Variants in TBCD observed in about 807,000 individuals in gnomAD.
TBCD encodes tubulin folding cofactor D, also known as tubulin-specific chaperone D.
Under a neutral mutation model 169.3 loss-of-function variants are expected in TBCD, and 105 were observed. That is an observed-to-expected ratio of 0.62 (90% CI 0.53 to 0.73). The LOEUF is 0.73. TBCD is among the 30% of genes least tolerant of loss of function. The probability of loss-of-function intolerance (pLI) is 0.00; values close to 1 mark genes in which losing one functional copy is unlikely to be tolerated. For synonymous variants in TBCD, 700 were observed against 643.9 expected, an observed-to-expected ratio of 1.09 and a Z score of -1.32; for missense variants, 1,444 against 1,600.1, an observed-to-expected ratio of 0.90 and a Z score of 1.66.
chr17:82,820,797 C>T (rs1469156147), intron 13 of TBCD, among the ~76,000 whole-genome samples: 3 of 146,990 alleles, frequency 2.0e-5, no homozygotes, highest in East Asian at 4.2e-4. Context: ...TGATGGTGCC[C>T]TATGAGTCTC....
In TBCD at chr17:82,915,706, G is replaced by C. The variant is rs1213576238; in HGVS notation, c.2038+3917G>C. Among the ~76,000 whole-genome samples the C allele has an allele frequency of 2.6e-5, 4 of 152,182 alleles. No individual in the cohort carries two copies. The highest frequency in any genetic ancestry group is 5.9e-5 in the Non-Finnish European group (4 of 68,032). On this transcript the variant is annotated intron_variant, in intron 23 of 38. Coordinates refer to ENST00000355528, the MANE Select transcript of TBCD (RefSeq NM_005993.5). The surrounding 1 kb of genome is among the most constrained non-coding windows in gnomAD (Gnocchi z 4.3). ...ACCGAGGGCAGGGGCCGGGAGGAAGGGGGTCATCTGGCTCACAGCCTTGCA... is the reference window on the plus strand; with the variant it reads ...ACCGAGGGCAGGGGCCGGGAGGAAGCGGGTCATCTGGCTCACAGCCTTGCA...
At chr17:82,763,401 C>T (rs1339451963) in intron 2 of TBCD, among the ~76,000 whole-genome samples, 2 of 152,138 alleles carry the variant, frequency 1.3e-5, no homozygotes, top group Admixed American at 6.5e-5. Flanking sequence ...CTTTTGCTTA[C>T]GTTTAACCTA....
chr17:82,932,111 C>G (rs2147365136), intron 33 of TBCD: 1 of 168,152 alleles, frequency 5.9e-6, no homozygotes, highest in Middle Eastern at 2.9e-3. Context: ...CAGCATCTCC[C>G]CTTGTTCTCT....
intron 18 of TBCD, among the ~76,000 whole-genome samples, chr17:82,901,505 G>A (rs544155537): frequency 6.7e-6 from 1 of 148,672 alleles, no homozygotes; most frequent in South Asian, 2.1e-4. Flanking sequence ...TGCCTGGGGA[G>A]CGGCCCGGCT....
Position 82,930,559 on chromosome 17 carries a change from A to G in TBCD, c.3029A>G (p.Lys1010Arg), listed in dbSNP as rs772524048. Residue 1010 changes from lysine (K) to arginine (R), a missense_variant, in exon 33 of 39, where the codon AAG becomes AGG. Physicochemically the swap from Lys to Arg is conservative, Grantham distance 26. Transcript: ENST00000355528. This position sits in a 1 kb window ranked among gnomAD's most constrained non-coding sequence, Gnocchi z 5.2. ...ACCCAGAGCCTCTTTGAGTACATGAAGGGCATTCAGAGCGACCCGCAGGCC... is the reference window on the plus strand; with the variant it reads ...ACCCAGAGCCTCTTTGAGTACATGAGGGGCATTCAGAGCGACCCGCAGGCC... ...HSTQSLFEYMKGIQSDPQALG... is the reference protein window; with the variant it reads ...HSTQSLFEYMRGIQSDPQALG... 4 of 1,613,648 alleles carry G rather than the reference A, an allele frequency of 2.5e-6. No homozygotes were observed. In the Admixed American group the frequency reaches 6.7e-5, roughly 27 times the overall value.
chr17:82,913,481 G>C (rs994711574), intron 23 of TBCD: 1 of 152,282 alleles, frequency 6.6e-6, no homozygotes, highest in Non-Finnish European at 1.5e-5. Context: ...CGGCGACAGA[G>C]TTGAAGGCGT....
In TBCD at chr17:82,842,757, A is replaced by G. The variant is rs2054623758; in HGVS notation, c.1319-27467A>G. ...AATCATTTACCTTCAGATTTTTGCAAGTGTTCTTCATTTTCTTTCTTTCTT... is the reference window on the plus strand; with the variant it reads ...AATCATTTACCTTCAGATTTTTGCAGGTGTTCTTCATTTTCTTTCTTTCTT... On this transcript the variant is annotated intron_variant, in intron 13 of 38. Coordinates refer to ENST00000355528, the MANE Select transcript of TBCD (RefSeq NM_005993.5). 2.0e-5 allele frequency among the ~76,000 whole-genome samples: 3 copies of G among 151,034 alleles called. No homozygotes were observed. The South Asian group carries it at 6.3e-4, about 32-fold the overall frequency.
intron 27 of TBCD, among the ~76,000 whole-genome samples, chr17:82,925,717 C>T (rs2061687385): frequency 2.6e-5 from 4 of 152,212 alleles, no homozygotes; most frequent in Admixed American, 2.6e-4. Flanking sequence ...CTAAAACTCG[C>T]ATGTGGGGGT....
intron 13 of TBCD, among the ~76,000 whole-genome samples, chr17:82,855,776 T>C (rs898934784): frequency 1.3e-5 from 2 of 152,206 alleles, no homozygotes; most frequent in African/African-American, 4.8e-5. Context: ...ATTCACATAG[T>C]CATGACACAT....
chr17:82,878,172 C>T (rs755040900), intron 14 of TBCD, among the ~76,000 whole-genome samples: 94 of 152,338 alleles, frequency 6.2e-4, no homozygotes, highest in Non-Finnish European at 8.5e-4. Context: ...CCCGGGACCC[C>T]GCATGGCATC....
At chr17:82,801,417 G>T (rs115810139) in intron 9 of TBCD, among the ~76,000 whole-genome samples, 1 of 152,150 alleles carries the variant, frequency 6.6e-6, no homozygotes, top group Non-Finnish European at 1.5e-5. Context: ...TGCAGCTGGC[G>T]TTGGCAGGAA....
chr17:82,895,525 C>A (rs1238953177), intron 17 of TBCD, among the ~76,000 whole-genome samples: 1 of 152,082 alleles, frequency 6.6e-6, no homozygotes, highest in Non-Finnish European at 1.5e-5. Context: ...ATGGTCAGGT[C>A]TTTGTTTTGA....
chr17:82,806,849 G>A lies in TBCD; in HGVS notation c.1088-759G>A, dbSNP rs1265742617. Among the ~76,000 whole-genome samples, 1 of 152,174 alleles carries A rather than the reference G, an allele frequency of 6.6e-6. No homozygotes were observed. Among genetic ancestry groups the A allele is most frequent in the Non-Finnish European group, 1.5e-5 (1 of 68,026 alleles). The stretch of plus-strand genomic sequence containing the variant: ...ACCTTTGCTTCTCAGAGCCCTCCCT[G>A]GTTGCGTGGTAGGCGCCCGCATCTG... On this transcript the variant is annotated intron_variant, in intron 10 of 38. Coordinates refer to ENST00000355528, the MANE Select transcript of TBCD (RefSeq NM_005993.5). This position sits in a 1 kb window ranked among gnomAD's most constrained non-coding sequence, Gnocchi z 5.1.
At chr17:82,865,723 ATG>A (rs2057124766) in intron 13 of TBCD, among the ~76,000 whole-genome samples, 1 of 152,242 alleles carries the variant, frequency 6.6e-6, no homozygotes, top group Admixed American at 6.5e-5. Flanking sequence ...GCGTAACTAT[ATG>A]ATGATTTTTT....
chr17:82,804,802 C>T (rs568074065), intron 9 of TBCD, among the ~76,000 whole-genome samples: 4 of 152,334 alleles, frequency 2.6e-5, no homozygotes, highest in East Asian at 3.9e-4. Context: ...GTGAGAGGAA[C>T]GCTAGGCGGT....
intron 13 of TBCD, among the ~76,000 whole-genome samples, chr17:82,827,951 ATG>A (rs1208828725): frequency 6.8e-6 from 1 of 147,668 alleles, no homozygotes; most frequent in African/African-American, 2.5e-5. Context: ...ACACGATTGA[ATG>A]TGCATACACT....
chr17:82,768,572 T>A lies in TBCD; in HGVS notation c.582+6T>A, dbSNP rs2048141280. The A allele has an allele frequency of 3.1e-6, 5 of 1,613,376 alleles. No homozygotes were observed. Among genetic ancestry groups the A allele is most frequent in the Non-Finnish European group, 3.4e-6 (4 of 1,179,440 alleles). On this transcript the variant is annotated splice_donor_region_variant and intron_variant, in intron 5 of 38. Coordinates refer to ENST00000355528, the MANE Select transcript of TBCD (RefSeq NM_005993.5). ...GTATTCTCCAAATAGCAGAGGTAAA[T>A]ATCATGCAGATAATTAGCTGCTAAT...
chr17:82,841,843 T>C (rs915623424), intron 13 of TBCD, among the ~76,000 whole-genome samples: 2 of 152,162 alleles, frequency 1.3e-5, no homozygotes, highest in Non-Finnish European at 2.9e-5. Context: ...ACAGCTTTAC[T>C]CACCTGCCTT....
intron 2 of TBCD, among the ~76,000 whole-genome samples, 199 bp downstream of exon 2, chr17:82,756,414 A>C (rs919116741): frequency 6.6e-6 from 1 of 151,870 alleles, no homozygotes; most frequent in African/African-American, 2.4e-5. Context: ...CTGGGGGGAG[A>C]TGTGTCTGAG....
Sources: allele counts gnomAD v4.1 joint callset (sites outside exome capture counted in the v4.1 genomes callset), GRCh38; gene constraint gnomAD v4.1.1; non-coding constraint Gnocchi (gnomAD v3.1); transcripts MANE v1.5; gene names NCBI Gene and HGNC (gene_info 2026-07-23, HGNC 2026-07-21).